The following GPBP1 variants were observed in gnomAD, a reference collection of about 807,000 sequenced individuals.
GPBP1 encodes the protein GC-rich promoter binding protein 1, also known as vasculin.
GPBP1 carries 13 observed loss-of-function variants against 56.5 expected under a neutral mutation model. The ratio of observed to expected loss-of-function variants is 0.23; its 90% CI spans 0.15 to 0.37. The LOEUF (loss-of-function observed/expected upper bound fraction) is 0.37, where lower values mean the gene tolerates loss of function less well. Among genes scored for constraint, GPBP1 ranks in the 10% least tolerant of loss-of-function variants. The pLI is 1.00. For missense variants in GPBP1, 477 were observed against 572.3 expected, an observed-to-expected ratio of 0.83 and a Z score of 1.70; for synonymous variants, 204 against 188.9, an observed-to-expected ratio of 1.08 and a Z score of -0.66.
chr5:57,180,379 C>T (rs1753987615), intron 2 of GPBP1, among the ~76,000 whole-genome samples: 1 of 152,148 alleles, frequency 6.6e-6, no homozygotes, highest in Non-Finnish European at 1.5e-5. Context: ...CTCAGCCTCC[C>T]AAAGTGCTGG....
intron 2 of GPBP1, among the ~76,000 whole-genome samples, chr5:57,189,623 A>G (rs1455687253): frequency 1.3e-5 from 2 of 152,222 alleles, no homozygotes; most frequent in African/African-American, 4.8e-5. Context: ...TGTGTACTCT[A>G]TTTCATTATT....
At chr5:57,179,163 G>A (rs573588919) in intron 2 of GPBP1, among the ~76,000 whole-genome samples, 3 of 152,152 alleles carry the variant, frequency 2.0e-5, no homozygotes, top group African/African-American at 4.8e-5. Flanking sequence ...TGCCTTCTTG[G>A]GGATTTTACT....
rs566399768 is a variant in GPBP1 at position 57,206,354 on chromosome 5, T to C, written c.-57-7720T>C. 2.6e-5 allele frequency among the ~76,000 whole-genome samples: 4 copies of C among 152,306 alleles called. No individual in the cohort carries two copies. The South Asian group carries it at 6.2e-4, about 24-fold the overall frequency. ...TCCCTGTTTTCTTCTAAGAGTTTTA[T>C]AGTTTTTGCTTTTATATTTAGGTCT... On this transcript the variant is annotated intron_variant, in intron 2 of 11. Transcript: ENST00000506184.
intron 2 of GPBP1, among the ~76,000 whole-genome samples, chr5:57,205,671 G>A (rs1755203006): frequency 1.3e-5 from 2 of 150,754 alleles, no homozygotes; most frequent in Non-Finnish European, 2.9e-5. Flanking sequence ...TTTCCCTAAT[G>A]ATACTGAGTA....
intron 2 of GPBP1, among the ~76,000 whole-genome samples, chr5:57,211,153 A>G (rs1026611497): frequency 4.7e-5 from 7 of 149,670 alleles, no homozygotes; most frequent in Non-Finnish European, 1.5e-5. Context: ...CCATAACAAT[A>G]CTGCCTTTTT....
At chr5:57,220,503 A>T (rs563760738) in intron 3 of GPBP1, among the ~76,000 whole-genome samples, 3 of 148,626 alleles carry the variant, frequency 2.0e-5, no homozygotes, top group Middle Eastern at 3.5e-3. Context: ...TCTGTCGCCC[A>T]AGCTGGAATG....
chr5:57,238,066 A>T (rs1740617843), intron 6 of GPBP1, among the ~76,000 whole-genome samples: 1 of 152,138 alleles, frequency 6.6e-6, no homozygotes, highest in African/African-American at 2.4e-5. Context: ...TTTTTATGTT[A>T]ACCAGAATCA....
intron 3 of GPBP1, among the ~76,000 whole-genome samples, chr5:57,227,635 G>C (rs1476783119): frequency 6.6e-6 from 1 of 152,200 alleles, no homozygotes; most frequent in Admixed American, 6.5e-5. Context: ...GCCAAACTCA[G>C]TGCAAGGGCA....
intron 2 of GPBP1, among the ~76,000 whole-genome samples, chr5:57,190,925 A>G (rs1754495481): frequency 1.3e-5 from 2 of 151,632 alleles, no homozygotes; most frequent in African/African-American, 4.8e-5. Context: ...CTAGAACTCT[A>G]GGCAAAACAT....
chr5:57,260,984 T>TA (rs1384489152), intron 10 of GPBP1, among the ~76,000 whole-genome samples, 196 bp from the exon 11 acceptor site: 13 of 152,370 alleles, frequency 8.5e-5, no homozygotes, highest in African/African-American at 2.6e-4. Flanking sequence ...CTAATTTTAA[T>TA]ATCAGTTTAT....
At chr5:57,193,980 T>C (rs568963418) in intron 2 of GPBP1, among the ~76,000 whole-genome samples, 2 of 152,210 alleles carry the variant, frequency 1.3e-5, no homozygotes, top group Non-Finnish European at 2.9e-5. Context: ...TAGTTTCTTA[T>C]GTATTTTAGA....
intron 6 of GPBP1, 36 bp from the exon 7 acceptor site, chr5:57,246,264 T>C: frequency 6.5e-7 from 1 of 1,536,354 alleles, no homozygotes; most frequent in South Asian, 1.2e-5. Context: ...AAACTTGAAA[T>C]TGTGAGTGAC....
At chr5:57,206,356 G>GT (rs1328232121) in intron 2 of GPBP1, among the ~76,000 whole-genome samples, 1 of 151,966 alleles carries the variant, frequency 6.6e-6, no homozygotes, top group African/African-American at 2.4e-5. Context: ...GAGTTTTATA[G>GT]TTTTTGCTTT....
At position 57,191,546 on chromosome 5, in the gene GPBP1, A is replaced by G. The variant is rs57101870; in HGVS notation, c.-58+15146A>G. 3.4e-3 allele frequency among the ~76,000 whole-genome samples: 459 copies of G among 135,362 alleles called. 5 individuals are homozygous for G. The highest frequency in any genetic ancestry group is 0.012 in the African/African-American group (416 of 35,922). The allele number at this position is 135,362 out of a possible 152,430, so 88.8% of individuals were successfully genotyped here. A position where few individuals can be genotyped will look rare whatever the true frequency, so the allele number is the denominator to read the frequency against. The stretch of plus-strand genomic sequence containing the variant: ...TCTCAGGTTCAAAGAAACAAAATAC[A>G]TTTATCTTTAGGTTTTTTTTTTTTT... On this transcript the variant is annotated intron_variant, in intron 2 of 11. Transcript: ENST00000506184.
At chr5:57,204,699 G>T (rs1209246553) in intron 2 of GPBP1, among the ~76,000 whole-genome samples, 2 of 152,106 alleles carry the variant, frequency 1.3e-5, no homozygotes, top group African/African-American at 4.8e-5. Flanking sequence ...TACAGAAGTG[G>T]TGCTTGTTTT....
At chr5:57,258,023 A>T (rs1446140044) in intron 10 of GPBP1, among the ~76,000 whole-genome samples, 2 of 152,160 alleles carry the variant, frequency 1.3e-5, no homozygotes, top group African/African-American at 4.8e-5. Context: ...AGGTCTTCTA[A>T]CTTCTAATCC....
At chr5:57,202,399 C>T (rs1257715840) in intron 2 of GPBP1, among the ~76,000 whole-genome samples, 1 of 152,156 alleles carries the variant, frequency 6.6e-6, no homozygotes, top group Non-Finnish European at 1.5e-5. Context: ...AGTGATTCAC[C>T]TGCCTCAGCG....
chr5:57,253,751 CA>C (rs1440087089), intron 10 of GPBP1, among the ~76,000 whole-genome samples: 3 of 151,682 alleles, frequency 2.0e-5, no homozygotes, highest in African/African-American at 7.3e-5. Context: ...TTTCTCCTGC[CA>C]AGGGTTATGG....
intron 2 of GPBP1, among the ~76,000 whole-genome samples, chr5:57,205,202 A>C (rs899692162): frequency 6.6e-6 from 1 of 152,248 alleles, no homozygotes; most frequent in South Asian, 2.1e-4. Flanking sequence ...GAGGCATACA[A>C]CGTGATCTTT....
Sources: gnomAD v4.1 joint callset for allele counts (sites outside exome capture counted in the v4.1 genomes callset) on GRCh38, gnomAD v4.1.1 for gene constraint, MANE v1.5 for transcripts, NCBI Gene and HGNC (gene_info 2026-07-23, HGNC 2026-07-21) for gene names.